AGMAT: variants seen among roughly 807,000 people sequenced by gnomAD.
AGMAT encodes the protein guanidino acid hydrolase, mitochondrial.
A neutral mutation model predicts 29.3 loss-of-function variants in AGMAT; 37 were observed. The observed-to-expected ratio is 1.26, with a 90% CI of 0.97 to 1.66. The LOEUF (loss-of-function observed/expected upper bound fraction) is 1.66. Ranked by LOEUF, AGMAT falls within the 40% of genes most tolerant of loss-of-function variation. The pLI is 0.00. For missense variants in AGMAT, 498 were observed against 497.8 expected (o/e 1.00, Z 0.00); for synonymous variants, 199 against 200.8 (o/e 0.99, Z 0.08).
At position 15,573,610 on chromosome 1, in the gene AGMAT, T is replaced by G. The variant is rs1443675900; in HGVS notation, c.*41A>C. 6.3e-7 allele frequency: 1 copy of G among 1,589,900 alleles called. No individual in the cohort carries two copies. The highest frequency in any genetic ancestry group is 1.3e-5 in the African/African-American group (1 of 74,430). ...TACTCATAAGTTCTTCTTGAGAACT[T>G]GTCAGCGACGCAATCTGTTTTGTCT... On this transcript the variant is annotated 3_prime_UTR_variant, in exon 7 of 7. Coordinates refer to ENST00000375826, the MANE Select transcript of AGMAT (RefSeq NM_024758.5).
In AGMAT at chr1:15,572,845, A is replaced by C. The variant is rs1431209322; in HGVS notation, c.*806T>G. ...TTTTTTTTTTTTTTTTTTGAGATGG[A>C]GTCTTGCTCTGGCACCCAGGCTGGA... is the stretch of plus-strand genomic sequence containing the variant. On this transcript the variant is annotated 3_prime_UTR_variant, in exon 7 of 7. Coordinates refer to ENST00000375826, the MANE Select transcript of AGMAT (RefSeq NM_024758.5). The C allele has an allele frequency of 7.5e-6, 1 of 133,560 alleles. No individual in the cohort carries two copies. Among genetic ancestry groups the C allele is most frequent in the Non-Finnish European group, 1.6e-5 (1 of 63,980 alleles). The allele number at this position is 133,560 out of a possible 1,614,324, so 8.3% of individuals were successfully genotyped here.
chr1:15,580,156 G>T lies in AGMAT; in HGVS notation c.476-14C>A. 6.5e-7 allele frequency: 1 copy of T among 1,535,270 alleles called. No homozygotes were observed. Among genetic ancestry groups the T allele is most frequent in the Non-Finnish European group, 9.0e-7 (1 of 1,115,644 alleles). ...TGTGATCTCCACCTGCAAAGAGGAA[G>T]AAGAAAACATCTGGAAAGTGAATTG... is the stretch of plus-strand genomic sequence containing the variant. On this transcript the variant is annotated splice_polypyrimidine_tract_variant and intron_variant, in intron 2 of 6. Coordinates refer to ENST00000375826, the MANE Select transcript of AGMAT (RefSeq NM_024758.5).
intron 2 of AGMAT, among the ~76,000 whole-genome samples, chr1:15,582,498 A>G (rs1639129612): frequency 6.6e-6 from 1 of 152,190 alleles, no homozygotes; most frequent in South Asian, 2.1e-4. Flanking sequence ...CCACTATGCC[A>G]TGCAGGCTAG....
rs745384069 is a variant in AGMAT at position 15,577,731 on chromosome 1, G to A, written c.854C>T (p.Ala285Val). Residue 285 changes from alanine to valine, a missense_variant, in exon 5 of 7, where the codon GCG becomes GTG. By Grantham distance (64) the Ala-to-Val change is moderately conservative. Transcript: ENST00000375826. Reference sequence around the variant, plus strand: ...AATTTCAGGTGTCCCTGTCCCTGGCGCATAGGCAGGATCCAGAGCGTCAAT... The same window carrying A: ...AATTTCAGGTGTCCCTGTCCCTGGCACATAGGCAGGATCCAGAGCGTCAAT... Reference protein sequence around the residue: ...FDIDALDPAYAPGTGTPEIAG... With the variant: ...FDIDALDPAYVPGTGTPEIAG... The A allele has an allele frequency of 6.8e-5, 109 of 1,613,948 alleles. No homozygotes were observed. Among genetic ancestry groups the A allele is most frequent in the Admixed American group, 1.3e-4 (8 of 59,974 alleles).
intron 2 of AGMAT, among the ~76,000 whole-genome samples, chr1:15,580,563 C>T (rs1414840337): frequency 6.6e-6 from 1 of 152,030 alleles, no homozygotes; most frequent in Non-Finnish European, 1.5e-5. Context: ...ACCACAGCTA[C>T]AGTAAGATCT....
intron 6 of AGMAT, 82 bp downstream of exon 6, chr1:15,574,675 G>T: frequency 1.6e-6 from 2 of 1,265,582 alleles, no homozygotes; most frequent in Non-Finnish European, 2.3e-6. Flanking sequence ...ACCATGCCTG[G>T]CCCCATTTTC....
chr1:15,574,647 G>A (rs1639006296), intron 6 of AGMAT, 110 bp downstream of exon 6: 1 of 969,320 alleles, frequency 1.0e-6, no homozygotes, highest in Non-Finnish European at 1.6e-6. Context: ...CAAAGTGCTG[G>A]GATTACAGGC....
rs778117600 is a variant in AGMAT at position 15,573,371 on chromosome 1, TCTC to T, written c.*277_*279del. ...ATGTTTAGATAATCTTGAAAGAAAT[TCTC>T]CTCACTTCCCCTTTATCCTCCATCT... On this transcript the variant is annotated 3_prime_UTR_variant, in exon 7 of 7. Coordinates refer to ENST00000375826, the MANE Select transcript of AGMAT (RefSeq NM_024758.5). The T allele has an allele frequency of 1.7e-4, 57 of 337,734 alleles. No homozygotes were observed. Among genetic ancestry groups the T allele is most frequent in the East Asian group, 7.6e-4 (15 of 19,678 alleles). 20.9% of individuals were successfully genotyped at this position (337,734 alleles called of 1,614,324 possible). A position where few individuals can be genotyped will look rare whatever the true frequency, so the allele number is the denominator to read the frequency against.
intron 5 of AGMAT, among the ~76,000 whole-genome samples, chr1:15,577,077 T>C (rs1029017209): frequency 3.3e-5 from 5 of 152,014 alleles, no homozygotes; most frequent in African/African-American, 9.7e-5. Context: ...GAGAGGATAC[T>C]ATAATGTTGT....
chr1:15,583,298 G>C lies in AGMAT; in HGVS notation c.370C>G (p.Leu124Val), dbSNP rs1328154444. The C allele has an allele frequency of 6.2e-7, 1 of 1,614,128 alleles. No homozygotes were observed. Among genetic ancestry groups the C allele is most frequent in the Admixed American group, 1.7e-5 (1 of 60,018 alleles). Residue 124 changes from leucine to valine, a missense_variant, in exon 2 of 7, where the codon CTA becomes GTA. Leu to Val is a conservative substitution (Grantham distance 32). Coordinates refer to ENST00000375826, the MANE Select transcript of AGMAT (RefSeq NM_024758.5). Reference protein sequence around the residue: ...LPFQSLMVADLGDVNVNLYNL... With the variant: ...LPFQSLMVADVGDVNVNLYNL... ...TAAAGATTGACATTCACATCGCCTA[G>C]GTCTGCAACCATGAGGGACTGGAAG...
At position 15,580,107 on chromosome 1, in the gene AGMAT, C is replaced by G. The variant is rs775273729; in HGVS notation, c.511G>C (p.Ala171Pro). Reference protein sequence around the residue: ...DHTITYPILQAMAKKHGPVGL... With the variant: ...DHTITYPILQPMAKKHGPVGL... ...TTTGAGACTTACTTTTTTGCCATCG[C>G]TTGCAATATGGGATATGTGATTGTG... The change falls in exon 3 of 7, where the codon GCG becomes CCG. Residue 171 changes from alanine (A) to proline (P), a missense_variant. Ala to Pro is a conservative substitution (Grantham distance 27, BLOSUM62 -1). Transcript: ENST00000375826. The G allele has an allele frequency of 6.2e-7, 1 of 1,612,874 alleles. No individual in the cohort carries two copies. Among genetic ancestry groups the G allele is most frequent in the East Asian group, 2.2e-5 (1 of 44,858 alleles).
rs1273174235 is a variant in AGMAT, at chr1:15,584,747, G to A, written c.221C>T (p.Ala74Val). Residue 74 changes from alanine (A) to valine (V), a missense_variant, in exon 1 of 7, where the codon GCC becomes GTC. Coordinates refer to ENST00000375826, the MANE Select transcript of AGMAT (RefSeq NM_024758.5). ...AGTATCCAGGGGCACCCCGATGAAG[G>A]CAGCGTCCAGCCCCTCGGGGGAGGT... ...VQTSPEGLDA[A>V]FIGVPLDTGT... 3 of 1,349,134 alleles carry A rather than the reference G, an allele frequency of 2.2e-6. No homozygotes were observed. The highest frequency in any genetic ancestry group is 2.9e-6 in the Non-Finnish European group (3 of 1,045,220). The allele number at this position is 1,349,134 out of a possible 1,614,324, so 83.6% of individuals were successfully genotyped here. A position where few individuals can be genotyped will look rare whatever the true frequency, so the allele number is the denominator to read the frequency against.
chr1:15,583,065 C>G (rs923530787), intron 2 of AGMAT, 128 bp downstream of exon 2: 7 of 788,526 alleles, frequency 8.9e-6, no homozygotes, highest in South Asian at 1.7e-5. Context: ...TTACAATGCT[C>G]TCTTTCCTAC....
chr1:15,577,206 C>T (rs1339473369), intron 5 of AGMAT, among the ~76,000 whole-genome samples: 6 of 152,092 alleles, frequency 3.9e-5, no homozygotes, highest in Non-Finnish European at 8.8e-5. Context: ...AAATCAATCA[C>T]CCTTCAGTAA....
chr1:15,574,616 G>A, intron 6 of AGMAT, 141 bp downstream of exon 6: 2 of 654,040 alleles, frequency 3.1e-6, no homozygotes, highest in South Asian at 3.4e-5. Context: ...GACCTCAGGT[G>A]AGCTGCCCAC....
In AGMAT at chr1:15,573,465, G is replaced by A. The variant is rs1570938926; in HGVS notation, c.*186C>T. 3.7e-6 allele frequency: 2 copies of A among 533,732 alleles called. No individual in the cohort carries two copies. The highest frequency in any genetic ancestry group is 3.4e-6 in the Non-Finnish European group (1 of 292,480). 33.1% of individuals were successfully genotyped at this position (533,732 alleles called of 1,614,324 possible). A position where few individuals can be genotyped will look rare whatever the true frequency, so the allele number is the denominator to read the frequency against. On this transcript the variant is annotated 3_prime_UTR_variant, in exon 7 of 7. Transcript: ENST00000375826. Reference sequence around the variant, plus strand: ...TTTTTTTTTCCCCCAATTAATCCAAGTTCCTTAGAAATGTTGCTGTTTGGG... The same window carrying A: ...TTTTTTTTTCCCCCAATTAATCCAAATTCCTTAGAAATGTTGCTGTTTGGG...
chr1:15,577,614 G>A (rs569365478), intron 5 of AGMAT, 71 bp downstream of exon 5: 111 of 1,428,868 alleles, frequency 7.8e-5, no homozygotes, highest in African/African-American at 1.1e-4. Context: ...CTAAAGATTC[G>A]CTTCAAGTCC....
At chr1:15,583,151 T>G in intron 2 of AGMAT, 42 bp downstream of exon 2, 1 of 1,592,494 alleles carries the variant, frequency 6.3e-7, no homozygotes, top group Non-Finnish European at 8.6e-7. Context: ...AAGTAAACCC[T>G]GAGTGCAGGG....
chr1:15,581,342 G>A (rs144546713), intron 2 of AGMAT, among the ~76,000 whole-genome samples: 81 of 152,140 alleles, frequency 5.3e-4, no homozygotes, highest in African/African-American at 1.5e-3. Flanking sequence ...GAGTGAGACC[G>A]TGTCTCAAAA....
Sources: gnomAD v4.1 joint callset for allele counts (sites outside exome capture counted in the v4.1 genomes callset) on GRCh38, gnomAD v4.1.1 for gene constraint, MANE v1.5 for transcripts, NCBI Gene and HGNC (gene_info 2026-07-23, HGNC 2026-07-21) for gene names.